Variants in ILDR2 observed in about 807,000 individuals in gnomAD.
The protein encoded by ILDR2 is immunoglobulin-like domain-containing receptor 2.
A neutral mutation model predicts 66.8 loss-of-function variants in ILDR2; 25 were observed. That is an observed-to-expected ratio of 0.37 (90% confidence interval 0.27 to 0.52). ILDR2 has a LOEUF of 0.52. Ranked by LOEUF, ILDR2 falls within the 20% of genes least tolerant of loss-of-function variation. ILDR2 has a pLI of 0.88. For synonymous variants in ILDR2, 367 were observed against 357.2 expected (o/e 1.03, Z -0.31); for missense variants, 827 against 876.8 (o/e 0.94, Z 0.72).
rs2101854816 is a variant in ILDR2, at chr1:166,921,472, G to A, written c.1212-93C>T. ...AGCACCCATCGTGTCCTGGGGCCAC[G>A]CTCAGGAGACCTCGGCCTGAGCCTC... On this transcript the variant is annotated intron_variant, in intron 8 of 9. Transcript: ENST00000271417. This position sits in a 1 kb window ranked among gnomAD's most constrained non-coding sequence, Gnocchi z 5.3. 3 of 1,076,866 alleles carry A rather than the reference G, an allele frequency of 2.8e-6. No homozygotes were observed. The highest frequency in any genetic ancestry group is 2.5e-5 in the East Asian group (1 of 39,492). The allele number at this position is 1,076,866 out of a possible 1,614,324, so 66.7% of individuals were successfully genotyped here. A position where few individuals can be genotyped will look rare whatever the true frequency, so the allele number is the denominator to read the frequency against.
chr1:166,909,645 A>C lies in ILDR2; in HGVS notation c.*9710T>G, dbSNP rs1376796515. The C allele has an allele frequency of 6.6e-6, 1 of 150,794 alleles. No individual in the cohort carries two copies. The highest frequency in any genetic ancestry group is 2.4e-5 in the African/African-American group (1 of 40,960). 9.3% of individuals were successfully genotyped at this position (150,794 alleles called of 1,614,324 possible). A position where few individuals can be genotyped will look rare whatever the true frequency, so the allele number is the denominator to read the frequency against. On this transcript the variant is annotated 3_prime_UTR_variant, in exon 10 of 10. Transcript: ENST00000271417. ...AGGGTGGGGTTGTATATTAATGTCC[A>C]TTATAATTTAACTACATTCAGTTGA...
chr1:166,948,477 C>G (rs1245790812), intron 3 of ILDR2, among the ~76,000 whole-genome samples: 1 of 152,152 alleles, frequency 6.6e-6, no homozygotes, highest in Non-Finnish European at 1.5e-5. Flanking sequence ...CCTGTGTGAC[C>G]TAATCCTTGT....
downstream of ILDR2, among the ~76,000 whole-genome samples, chr1:166,906,068 A>T (rs1659337803): frequency 2.6e-5 from 4 of 152,166 alleles, no homozygotes; most frequent in South Asian, 8.3e-4. Flanking sequence ...CCTGGATGTA[A>T]AAGTGTTTGC....
chr1:166,903,412 T>A (rs1659293839), downstream of ILDR2, among the ~76,000 whole-genome samples: 1 of 152,204 alleles, frequency 6.6e-6, no homozygotes, highest in African/African-American at 2.4e-5. Context: ...GGTTGGTCAC[T>A]CAAGGGAAGG....
chr1:166,960,837 A>G (rs1034069695), intron 1 of ILDR2, among the ~76,000 whole-genome samples: 8 of 152,220 alleles, frequency 5.3e-5, no homozygotes, highest in Admixed American at 3.3e-4. Context: ...GATTAGGAAA[A>G]TAAATTTCTT....
rs139884556 is a variant in ILDR2 at position 166,939,529 on chromosome 1, C to T, written c.541G>A (p.Val181Met). The T allele has an allele frequency of 1.7e-4, 279 of 1,613,880 alleles. No homozygotes were observed. In the African/African-American group the frequency reaches 3.3e-3, roughly 19 times the overall value. ...LLADLLPSFA[V>M]EIMPEWVFVG... is the part of the protein sequence containing the mutation. Reference sequence around the variant, plus strand: ...GACCGAATACCTGGCATAATCTCCACAGCAAAACTGGGCAAGAGATCAGCA... The same window carrying T: ...GACCGAATACCTGGCATAATCTCCATAGCAAAACTGGGCAAGAGATCAGCA... Residue 181 changes from valine to methionine, a missense_variant, in exon 4 of 10, where the codon GTG becomes ATG. By Grantham distance (21) the Val-to-Met change is conservative. Coordinates refer to ENST00000271417, the MANE Select transcript of ILDR2 (RefSeq NM_199351.3).
Position 166,917,903 on chromosome 1 carries a change from T to C in ILDR2, c.*1452A>G, listed in dbSNP as rs530623675. ...TAGTCCAGGCTTGTTCACCTGATGG[T>C]AGTTGCAAGGTTCCCAAGAGCAGCA... On this transcript the variant is annotated 3_prime_UTR_variant, in exon 10 of 10. Transcript: ENST00000271417. 9.9e-5 allele frequency: 15 copies of C among 152,232 alleles called. No homozygotes were observed. Among genetic ancestry groups the C allele is most frequent in the Middle Eastern group, 6.8e-3 (2 of 294 alleles). 9.4% of individuals were successfully genotyped at this position (152,232 alleles called of 1,614,324 possible).
Position 166,920,760 on chromosome 1 carries a change from G to T in ILDR2, c.1831C>A (p.Pro611Thr). 6.7e-7 allele frequency: 1 copy of T among 1,490,524 alleles called. No homozygotes were observed. Among genetic ancestry groups the T allele is most frequent in the East Asian group, 2.7e-5 (1 of 36,650 alleles). The allele number at this position is 1,490,524 out of a possible 1,614,324, so 92.3% of individuals were successfully genotyped here. A position where few individuals can be genotyped will look rare whatever the true frequency, so the allele number is the denominator to read the frequency against. The change falls in exon 9 of 10, where the codon CCC (proline) becomes ACC (threonine). Residue 611 changes from proline to threonine, a missense_variant. Pro to Thr is a conservative substitution (Grantham distance 38). Coordinates refer to ENST00000271417, the MANE Select transcript of ILDR2 (RefSeq NM_199351.3). ...TTCTTCTCCGAGTTGCTGTGGTAGG[G>T]CAGGTCGCGGCCGCGGTAGGACGGG... ...RGPSYRGRDL[P>T]YHSNSEKKRK...
chr1:166,910,332 G>C lies in ILDR2; in HGVS notation c.*9023C>G, dbSNP rs1397943076. On this transcript the variant is annotated 3_prime_UTR_variant, in exon 10 of 10. Coordinates refer to ENST00000271417, the MANE Select transcript of ILDR2 (RefSeq NM_199351.3). ...AAGCCTGCCTCAAAAACATAATATG[G>C]CAAGTTCTAAACTTGCAAAGTGTAA... The C allele has an allele frequency of 2.6e-5, 4 of 152,008 alleles. No individual in the cohort carries two copies. The highest frequency in any genetic ancestry group is 9.7e-5 in the African/African-American group (4 of 41,378). The allele number at this position is 152,008 out of a possible 1,614,324, so 9.4% of individuals were successfully genotyped here.
intron 3 of ILDR2, among the ~76,000 whole-genome samples, chr1:166,948,260 A>C (rs1661758607): frequency 1.3e-5 from 2 of 152,200 alleles, no homozygotes. Flanking sequence ...ATGGGTGACC[A>C]TCATACCAGT....
At chr1:166,934,560 C>A (rs1660830913) in intron 6 of ILDR2, among the ~76,000 whole-genome samples, 1 of 152,188 alleles carries the variant, frequency 6.6e-6, no homozygotes, top group African/African-American at 2.4e-5. Context: ...CAGGAGCCTG[C>A]CCACAGTGGC....
chr1:166,945,251 CA>C (rs894815767), intron 3 of ILDR2, among the ~76,000 whole-genome samples: 2 of 152,118 alleles, frequency 1.3e-5, no homozygotes, highest in Non-Finnish European at 2.9e-5. Context: ...TCTAAGGAGA[CA>C]AAAGCACCAC....
chr1:166,975,175 CT>C, intron 1 of ILDR2, 47 bp downstream of exon 1: 1 of 1,483,044 alleles, frequency 6.7e-7, no homozygotes, highest in Non-Finnish European at 9.4e-7. Flanking sequence ...AACAGAACCA[CT>C]ACAGGAATAT....
intron 3 of ILDR2, among the ~76,000 whole-genome samples, chr1:166,945,054 C>A (rs1484816115): frequency 6.6e-6 from 1 of 152,170 alleles, no homozygotes; most frequent in Non-Finnish European, 1.5e-5. Context: ...TTATGATTTG[C>A]TGCGCATTAT....
intron 3 of ILDR2, among the ~76,000 whole-genome samples, chr1:166,952,705 G>A (rs1662053896): frequency 6.6e-6 from 1 of 152,112 alleles, no homozygotes; most frequent in Admixed American, 6.5e-5. Flanking sequence ...GAAATAAAGT[G>A]AAATACTGAA....
chr1:166,921,170 A>G lies in ILDR2; in HGVS notation c.1421T>C (p.Leu474Ser). Residue 474 changes from leucine to serine, a missense_variant, in exon 9 of 10, where the codon TTG (leucine) becomes TCG (serine). This residue lies in a region of ILDR2 where 390 missense variants were observed against 353.6 expected (regional missense o/e 1.10). Transcript: ENST00000271417. This position sits in a 1 kb window ranked among gnomAD's most constrained non-coding sequence, Gnocchi z 5.3. ...AHSGFYQDDS[L>S]EEYYGQRSRS... ...GCTGCGCTGACCGTAGTACTCCTCC[A>G]AGGAGTCGTCCTGGTAGAAGCCGCT... The G allele has an allele frequency of 1.9e-6, 3 of 1,554,866 alleles. No homozygotes were observed. Among genetic ancestry groups the G allele is most frequent in the African/African-American group, 1.4e-5 (1 of 73,952 alleles).
intron 2 of ILDR2, among the ~76,000 whole-genome samples, chr1:166,897,707 A>G (rs764839591): frequency 1.3e-5 from 2 of 152,200 alleles, no homozygotes; most frequent in Non-Finnish European, 2.9e-5. Context: ...ATATACATCA[A>G]TGTCCTGGAA....
downstream of ILDR2, among the ~76,000 whole-genome samples, chr1:166,905,276 T>G (rs1191779095): frequency 6.6e-6 from 1 of 152,186 alleles, no homozygotes. Context: ...GTAAATCAAT[T>G]GAGCCAAGCC....
chr1:166,920,707 G>A lies in ILDR2; in HGVS notation c.1884C>T (p.Thr628=), dbSNP rs1176777255. The A allele has an allele frequency of 3.6e-6, 5 of 1,407,510 alleles. No individual in the cohort carries two copies. The highest frequency in any genetic ancestry group is 4.6e-6 in the Non-Finnish European group (5 of 1,076,210). The allele number at this position is 1,407,510 out of a possible 1,614,324, so 87.2% of individuals were successfully genotyped here. Residue 628 remains threonine, a splice_region_variant and synonymous_variant, in exon 9 of 10, where the codon ACC becomes ACT. Coordinates refer to ENST00000271417, the MANE Select transcript of ILDR2 (RefSeq NM_199351.3). ...KKRKKEPAKK[T]NDFPTRMSLV... ...GGAGGGGAGGCAGACGCAGTCTCAC[G>A]GTTTTCTTGGCGGGCTCCTTTTTCC...
Sources: gnomAD v4.1 joint callset for allele counts (sites outside exome capture counted in the v4.1 genomes callset) on GRCh38, gnomAD v4.1.1 for gene constraint, gnomAD v4.1.1 regional missense constraint, Gnocchi (gnomAD v3.1) non-coding constraint, MANE v1.5 for transcripts, NCBI Gene and HGNC (gene_info 2026-07-23, HGNC 2026-07-21) for gene names.